ULK1: variants seen among roughly 807,000 people sequenced by gnomAD.
ULK1 encodes serine/threonine-protein kinase ULK1.
In ULK1, 48 loss-of-function variants were observed where a neutral mutation model predicts 117.5. That is an observed-to-expected ratio of 0.41 (90% CI 0.32 to 0.52). The LOEUF (loss-of-function observed/expected upper bound fraction) is 0.52. Among genes scored for constraint, ULK1 ranks in the 20% least tolerant of loss-of-function variants. The probability of loss-of-function intolerance (pLI) is 0.29; values close to 1 mark genes in which losing one functional copy is unlikely to be tolerated. For synonymous variants in ULK1, 790 were observed against 637.8 expected, an observed-to-expected ratio of 1.24 and a Z score of -3.60; for missense variants, 1,387 against 1,473.4, an observed-to-expected ratio of 0.94 and a Z score of 0.96.
At chr12:131,904,770 T>C (rs1889206309) in intron 3 of ULK1, among the ~76,000 whole-genome samples, 2 of 151,992 alleles carry the variant, frequency 1.3e-5, no homozygotes, top group African/African-American at 2.4e-5. Context: ...AGAGGAGAAA[T>C]GTGGGCACCT....
rs983323389 is a variant in ULK1 at position 131,913,112 on chromosome 12, G to C, written c.1097-86G>C. ...GGCCCCTGCAAGGTGGAGTGTGCGT[G>C]GGGATCCAGCAGAGAGCCTCGGTGG... On this transcript the variant is annotated intron_variant, in intron 13 of 27. Transcript: ENST00000321867. The C allele has an allele frequency of 2.0e-5, 27 of 1,322,618 alleles. No individual in the cohort carries two copies. In the African/African-American group the frequency reaches 3.9e-4, roughly 19 times the overall value. The allele number at this position is 1,322,618 out of a possible 1,614,324, so 81.9% of individuals were successfully genotyped here. A position where few individuals can be genotyped will look rare whatever the true frequency, so the allele number is the denominator to read the frequency against.
intron 13 of ULK1, among the ~76,000 whole-genome samples, chr12:131,912,951 C>T (rs1253987140): frequency 6.6e-6 from 1 of 152,136 alleles, no homozygotes; most frequent in Non-Finnish European, 1.5e-5. Context: ...AGACAGGAGG[C>T]GCAGAGTCCA....
intron 26 of ULK1, chr12:131,920,604 A>G: frequency 5.1e-6 from 1 of 196,616 alleles, no homozygotes; most frequent in South Asian, 9.6e-5. Flanking sequence ...AGGGTCTTGC[A>G]CTGTTGCCCA....
intron 3 of ULK1, chr12:131,906,368 T>C (rs971786707): frequency 5.1e-5 from 8 of 157,250 alleles, no homozygotes; most frequent in South Asian, 1.9e-4. Context: ...GGATTACAGG[T>C]GTGAGCCACT....
At chr12:131,899,576 G>A (rs1217690837) in intron 3 of ULK1, among the ~76,000 whole-genome samples, 9 of 152,082 alleles carry the variant, frequency 5.9e-5, no homozygotes, top group African/African-American at 1.2e-4. Flanking sequence ...CTGCAGCCTC[G>A]AACACCTGAG....
In ULK1 at chr12:131,908,825, C is replaced by T; in HGVS notation, c.490+8C>T. 3.1e-6 allele frequency: 5 copies of T among 1,605,974 alleles called. No homozygotes were observed. The highest frequency in any genetic ancestry group is 4.2e-6 in the Non-Finnish European group (5 of 1,176,906). Reference sequence around the variant, plus strand: ...GCATCCGCGTCAAGATCGGTCAGCCCGCGGGCAGGCAGGCGGGCCCGGCGG... The same window carrying T: ...GCATCCGCGTCAAGATCGGTCAGCCTGCGGGCAGGCAGGCGGGCCCGGCGG... On this transcript the variant is annotated splice_region_variant and intron_variant, in intron 6 of 27. Transcript: ENST00000321867.
intron 25 of ULK1, 177 bp from the exon 26 acceptor site, chr12:131,919,802 G>T: frequency 9.2e-7 from 1 of 1,083,368 alleles, no homozygotes; most frequent in South Asian, 1.6e-5. Context: ...AGGCCGTGGG[G>T]TCGGATGGCA....
Position 131,919,259 on chromosome 12 carries a change from C to G in ULK1, c.2559C>G (p.Phe853Leu), listed in dbSNP as rs139624236. The change falls in exon 24 of 28, where the codon TTC becomes TTG. Residue 853 changes from phenylalanine (F) to leucine (L), a missense_variant. Physicochemically the swap from Phe to Leu is conservative, Grantham distance 22 (BLOSUM62 0). Transcript: ENST00000321867. Reference protein sequence around the residue: ...ILRGLRFTLLFVQHVLEIAAL... With the variant: ...ILRGLRFTLLLVQHVLEIAAL... ...GTGGCCTGCGCTTCACGCTGCTGTT[C>G]GTGCAGCACGTCCTGGAGATCGCAG... 4 of 1,598,368 alleles carry G rather than the reference C, an allele frequency of 2.5e-6. No individual in the cohort carries two copies. The highest frequency in any genetic ancestry group is 4.5e-5 in the East Asian group (2 of 44,824).
chr12:131,907,895 CACGGG>C (rs921646374), intron 5 of ULK1, among the ~76,000 whole-genome samples: 3 of 150,784 alleles, frequency 2.0e-5, no homozygotes, highest in African/African-American at 4.9e-5. Context: ...GGATGTGCTG[CACGGG>C]GCGGGGCGGG....
In ULK1 at chr12:131,919,980, G is replaced by A. The variant is rs1453683910; in HGVS notation, c.2805G>A (p.Val935=). 1 of 1,611,968 alleles carries A rather than the reference G, an allele frequency of 6.2e-7. No homozygotes were observed. Among genetic ancestry groups the A allele is most frequent in the Non-Finnish European group, 8.5e-7 (1 of 1,179,366 alleles). The part of the protein sequence containing the change: ...KLCLSSTVKQ[V]VRRLNELYKA... Reference sequence around the variant, plus strand: ...GCTGACCACCCTCGTCCTTTGCAGTGGTGCGCAGGCTGAATGAGCTGTACA... The same window carrying A: ...GCTGACCACCCTCGTCCTTTGCAGTAGTGCGCAGGCTGAATGAGCTGTACA... The change falls in exon 26 of 28, where the codon GTG becomes GTA. Residue 935 remains valine (V), a splice_region_variant and synonymous_variant. Coordinates refer to ENST00000321867, the MANE Select transcript of ULK1 (RefSeq NM_003565.4).
rs758686407 is a variant in ULK1 at position 131,914,353 on chromosome 12, C to T, written c.1249C>T (p.Arg417Trp). 21 of 1,609,778 alleles carry T rather than the reference C, an allele frequency of 1.3e-5. No individual in the cohort carries two copies. Among genetic ancestry groups the T allele is most frequent in the South Asian group, 2.2e-5 (2 of 91,080 alleles). ...GATCCTGACCTCTCTCCACCACAGC[C>T]GGGCTGGCCCGTTCTCCAGCAGCAG... is the stretch of plus-strand genomic sequence containing the variant. ...PCSSSPSPSG[R>W]AGPFSSSRCG... is the part of the protein sequence containing the mutation. Residue 417 changes from arginine (R) to tryptophan (W), a missense_variant and splice_region_variant, in exon 16 of 28, where the codon CGG becomes TGG. This residue lies in a region of ULK1 where 260 missense variants were observed against 271.6 expected (regional missense o/e 0.96). Coordinates refer to ENST00000321867, the MANE Select transcript of ULK1 (RefSeq NM_003565.4).
intron 13 of ULK1, 135 bp from the exon 14 acceptor site, chr12:131,913,063 C>T (rs1384123773): frequency 1.3e-6 from 1 of 777,616 alleles, no homozygotes; most frequent in African/African-American, 1.8e-5. Flanking sequence ...GCTCTGCCCC[C>T]CGCAAGGCCG....
chr12:131,898,025 A>G (rs895226547), intron 3 of ULK1: 1 of 152,268 alleles, frequency 6.6e-6, no homozygotes, highest in African/African-American at 2.4e-5. Flanking sequence ...ATATGTGCAC[A>G]CACAGCTTCT....
intron 18 of ULK1, 25 bp from the exon 19 acceptor site, chr12:131,915,866 C>T (rs202193877): frequency 9.8e-5 from 157 of 1,605,614 alleles, no homozygotes; most frequent in South Asian, 2.1e-4. Context: ...ACCGGAAGGT[C>T]GTGACGAGGC....
chr12:131,910,165 A>G (rs896518389), intron 10 of ULK1, 89 bp from the exon 11 acceptor site: 30 of 1,585,892 alleles, frequency 1.9e-5, no homozygotes, highest in South Asian at 6.6e-5. Flanking sequence ...CAGGTGCCCA[A>G]CGCGGCTGGA....
intron 25 of ULK1, 189 bp downstream of exon 25, chr12:131,919,779 A>T: frequency 9.8e-7 from 1 of 1,019,226 alleles, no homozygotes; most frequent in Non-Finnish European, 1.4e-6. Context: ...GGAGCCCAGT[A>T]TGCAGAGCAC....
intron 13 of ULK1, 147 bp downstream of exon 13, chr12:131,912,236 G>A: frequency 7.8e-7 from 1 of 1,280,436 alleles, no homozygotes; most frequent in Non-Finnish European, 1.0e-6. Flanking sequence ...GGCCCAGCTT[G>A]GTTGGGGAGG....
intron 25 of ULK1, 30 bp from the exon 26 acceptor site, chr12:131,919,949 C>A: frequency 1.9e-6 from 3 of 1,606,180 alleles, no homozygotes; most frequent in South Asian, 2.2e-5. Context: ...GTCTGCTGCA[C>A]CCTGAGCTGA....
chr12:131,921,381 C>G lies in ULK1; in HGVS notation c.*20C>G. 2 of 1,601,242 alleles carry G rather than the reference C, an allele frequency of 1.2e-6. No homozygotes were observed. The highest frequency in any genetic ancestry group is 1.7e-6 in the Non-Finnish European group (2 of 1,179,834). ...GCCTGACCTTTCTGGCCTGGCTGGG[C>G]CCCCCGTCCTGCCGAGCCCTGCAGA... On this transcript the variant is annotated 3_prime_UTR_variant, in exon 28 of 28. Coordinates refer to ENST00000321867, the MANE Select transcript of ULK1 (RefSeq NM_003565.4).
Sources: allele counts gnomAD v4.1 joint callset (sites outside exome capture counted in the v4.1 genomes callset), GRCh38; gene constraint gnomAD v4.1.1; regional missense constraint gnomAD v4.1.1; transcripts MANE v1.5; gene names NCBI Gene and HGNC (gene_info 2026-07-23, HGNC 2026-07-21).